Variants in NUP50 observed in about 807,000 individuals in gnomAD.
NUP50 encodes nuclear pore complex protein Nup50.
NUP50 carries 14 observed loss-of-function variants against 36.8 expected under a neutral mutation model. That is an observed-to-expected ratio of 0.38 (90% CI 0.25 to 0.59). NUP50 has a LOEUF of 0.59. Among genes scored for constraint, NUP50 ranks in the 20% least tolerant of loss-of-function variants. The probability of loss-of-function intolerance (pLI) is 0.63; values close to 1 mark genes in which losing one functional copy is unlikely to be tolerated. For missense variants in NUP50, 455 were observed against 564.6 expected (o/e 0.81, Z 1.97); for synonymous variants, 195 against 210.8 (o/e 0.93, Z 0.65).
At chr22:45,173,743 A>G (rs918914842) in intron 3 of NUP50, among the ~76,000 whole-genome samples, 8 of 152,214 alleles carry the variant, frequency 5.3e-5, no homozygotes, top group African/African-American at 1.9e-4. Flanking sequence ...CACCTGTGCA[A>G]CCGAAGGAAG....
intron 7 of NUP50, chr22:45,184,032 TAAC>T: frequency 4.6e-6 from 1 of 217,080 alleles, no homozygotes; most frequent in South Asian, 7.3e-5. Context: ...TAGGGAGTAA[TAAC>T]ATGGTCGTGT....
rs1383245319 is a variant in NUP50, at chr22:45,184,737, T to C, written c.*82T>C. On this transcript the variant is annotated 3_prime_UTR_variant, in exon 8 of 8. Transcript: ENST00000347635. ...TAAAGTTAGTCAGTTTTTCTTCTCT[T>C]CTTTGACATTCTAAGAACTTATAGA... 4 of 994,604 alleles carry C rather than the reference T, an allele frequency of 4.0e-6. No homozygotes were observed. The highest frequency in any genetic ancestry group is 6.3e-6 in the Non-Finnish European group (4 of 638,200). The allele number at this position is 994,604 out of a possible 1,614,324, so 61.6% of individuals were successfully genotyped here.
intron 2 of NUP50, 40 bp downstream of exon 2, chr22:45,168,286 T>C (rs773803182): frequency 2.3e-5 from 35 of 1,532,202 alleles, no homozygotes; most frequent in Non-Finnish European, 3.1e-5. Context: ...CCTGTTTCTT[T>C]TGCCTTTTAC....
chr22:45,181,252 G>A (rs768871928), intron 5 of NUP50, 34 bp from the exon 6 acceptor site: 93 of 1,476,400 alleles, frequency 6.3e-5, no homozygotes, highest in Non-Finnish European at 8.5e-5. Context: ...CTCTGGATTG[G>A]AATCTTACTG....
rs2074442159 is a variant in NUP50 at position 45,184,694 on chromosome 22, G to C, written c.*39G>C. On this transcript the variant is annotated 3_prime_UTR_variant, in exon 8 of 8. Transcript: ENST00000347635. ...GCTGCAGAATTATTGCCAAGTTGCT[G>C]CTGCTTCCACCGCCCCTTAAAGTTA... 9.1e-7 allele frequency: 1 copy of C among 1,100,600 alleles called. No homozygotes were observed. Among genetic ancestry groups the C allele is most frequent in the African/African-American group, 1.6e-5 (1 of 62,362 alleles). The allele number at this position is 1,100,600 out of a possible 1,614,324, so 68.2% of individuals were successfully genotyped here.
chr22:45,186,642 AAT>A lies in NUP50; in HGVS notation c.*1989_*1990del, dbSNP rs1282321269. 2 of 152,656 alleles carry A rather than the reference AAT, an allele frequency of 1.3e-5. No individual in the cohort carries two copies. Among genetic ancestry groups the A allele is most frequent in the Non-Finnish European group, 2.9e-5 (2 of 68,044 alleles). 9.5% of individuals were successfully genotyped at this position (152,656 alleles called of 1,614,324 possible). ...CTTTTAAACCTGCCCTTCTGTAAAA[AAT>A]AGTTTATATATTTTTAAATTAGTAG... On this transcript the variant is annotated 3_prime_UTR_variant, in exon 8 of 8. Transcript: ENST00000347635.
intron 3 of NUP50, 161 bp from the exon 4 acceptor site, chr22:45,175,733 C>T: frequency 1.7e-6 from 1 of 581,578 alleles, no homozygotes. Context: ...TACAATCTTC[C>T]CATCTCATTT....
chr22:45,171,501 C>A, intron 2 of NUP50, 99 bp from the exon 3 acceptor site: 1 of 1,153,798 alleles, frequency 8.7e-7, no homozygotes, highest in Non-Finnish European at 1.3e-6. Context: ...TTTTGAGAGG[C>A]CGGACACAGT....
intron 1 of NUP50, among the ~76,000 whole-genome samples, chr22:45,165,380 C>T (rs1487273266): frequency 1.3e-5 from 2 of 152,208 alleles, no homozygotes; most frequent in African/African-American, 2.4e-5. Context: ...GGACCACAGG[C>T]GTGCGCCACT....
At chr22:45,183,375 G>C in intron 6 of NUP50, 27 bp from the exon 7 acceptor site, 1 of 1,319,460 alleles carries the variant, frequency 7.6e-7, no homozygotes, top group Non-Finnish European at 1.1e-6. Context: ...TTGAATGCTT[G>C]ATGGTCCCTA....
chr22:45,176,412 T>G (rs944513420), intron 4 of NUP50, among the ~76,000 whole-genome samples: 14 of 152,186 alleles, frequency 9.2e-5, no homozygotes, highest in African/African-American at 3.1e-4. Context: ...GAAAATGCTA[T>G]GTAGACCCTT....
At chr22:45,164,498 C>T (rs1381923568) in intron 1 of NUP50, 1 of 152,720 alleles carries the variant, frequency 6.5e-6, no homozygotes, top group Non-Finnish European at 1.5e-5. Context: ...GGCCGGGGGA[C>T]CAGACCCTGG....
At chr22:45,172,597 C>T (rs1194101583) in intron 3 of NUP50, among the ~76,000 whole-genome samples, 2 of 150,470 alleles carry the variant, frequency 1.3e-5, no homozygotes, top group African/African-American at 5.0e-5. Context: ...GCTTATTTCC[C>T]TTTTATTTCC....
intron 2 of NUP50, chr22:45,171,066 T>A: frequency 7.7e-6 from 10 of 1,302,890 alleles, no homozygotes; most frequent in Non-Finnish European, 1.0e-5. Context: ...TGGACATGAG[T>A]GTGCTTTGAG....
At chr22:45,175,373 T>G (rs2074260637) in intron 3 of NUP50, among the ~76,000 whole-genome samples, 1 of 152,238 alleles carries the variant, frequency 6.6e-6, no homozygotes, top group South Asian at 2.1e-4. Context: ...CAGGAACATG[T>G]AGATTTGAGA....
intron 4 of NUP50, 136 bp from the exon 5 acceptor site, chr22:45,178,102 G>C: frequency 1.3e-6 from 1 of 782,718 alleles, no homozygotes; most frequent in Non-Finnish European, 2.0e-6. Flanking sequence ...CTCCAGCCTG[G>C]GTGACAGAGC....
chr22:45,179,939 C>A (rs1199545585), intron 5 of NUP50, among the ~76,000 whole-genome samples: 1 of 152,232 alleles, frequency 6.6e-6, no homozygotes, highest in African/African-American at 2.4e-5. Flanking sequence ...AGGAAGAAAA[C>A]TGCATTTGCC....
chr22:45,167,317 C>T (rs111245020), intron 1 of NUP50, among the ~76,000 whole-genome samples: 3 of 152,194 alleles, frequency 2.0e-5, no homozygotes, highest in African/African-American at 7.2e-5. Flanking sequence ...GCACAACACT[C>T]ATAGCGGAGC....
intron 2 of NUP50, among the ~76,000 whole-genome samples, chr22:45,170,070 T>G (rs899114303): frequency 2.6e-5 from 4 of 152,184 alleles, no homozygotes; most frequent in Admixed American, 6.5e-5. Context: ...TACGCCGCCT[T>G]CCTTCTCTGC....
Sources: gnomAD v4.1 joint callset for allele counts (sites outside exome capture counted in the v4.1 genomes callset) on GRCh38, gnomAD v4.1.1 for gene constraint, MANE v1.5 for transcripts, NCBI Gene and HGNC (gene_info 2026-07-23, HGNC 2026-07-21) for gene names.